TGFBR2: variants seen among roughly 807,000 people sequenced by gnomAD.
TGFBR2 encodes the protein transforming growth factor beta receptor 2, also known as TGF-beta receptor type-2.
TGFBR2 carries 18 observed loss-of-function variants against 49.0 expected under a neutral mutation model. That is an observed-to-expected ratio of 0.37 (90% CI 0.25 to 0.54). The LOEUF is 0.54. TGFBR2 is among the 20% of genes least tolerant of loss of function. TGFBR2 has a pLI of 0.85. For missense variants in TGFBR2, 525 were observed against 722.6 expected (o/e 0.73, Z 3.13); for synonymous variants, 282 against 275.9 (o/e 1.02, Z -0.22).
intron 3 of TGFBR2, among the ~76,000 whole-genome samples, chr3:30,670,291 A>T (rs1017089441): frequency 6.6e-6 from 1 of 152,136 alleles, no homozygotes; most frequent in Non-Finnish European, 1.5e-5. Flanking sequence ...TAATATATAG[A>T]TTACATTGTA....
At position 30,673,159 on chromosome 3, in the gene TGFBR2, C is replaced by T. The variant is rs892349791; in HGVS notation, c.1254+722C>T. On this transcript the variant is annotated intron_variant, in intron 4 of 6. Transcript: ENST00000295754. ...AGCACTCGGTTACTGCTCAGTCAGC[C>T]CTGTGTCCATGGCAGCGCACGCAGT... Among the ~76,000 whole-genome samples, 13 of 152,136 alleles carry T rather than the reference C, an allele frequency of 8.5e-5. 1 individual carries two copies. The highest frequency in any genetic ancestry group is 3.1e-4 in the African/African-American group (13 of 41,428).
chr3:30,647,732 A>AATGCG (rs1575145230), intron 2 of TGFBR2, among the ~76,000 whole-genome samples: 2 of 152,194 alleles, frequency 1.3e-5, no homozygotes, highest in Middle Eastern at 6.8e-3. Flanking sequence ...GCTGGAGTGC[A>AATGCG]ATGGCGTGAT....
intron 5 of TGFBR2, among the ~76,000 whole-genome samples, chr3:30,684,675 A>G (rs189391091): frequency 2.7e-4 from 41 of 152,132 alleles, no homozygotes; most frequent in African/African-American, 8.5e-4. Context: ...GAAATTACCC[A>G]TAAGTCGAAG....
chr3:30,626,274 A>G (rs1325780656), intron 1 of TGFBR2: 1 of 152,226 alleles, frequency 6.6e-6, no homozygotes, highest in East Asian at 1.9e-4. Context: ...CAGCATAACA[A>G]ATATGAGCAA....
intron 1 of TGFBR2, among the ~76,000 whole-genome samples, chr3:30,620,735 T>G (rs1698214278): frequency 6.6e-6 from 1 of 152,284 alleles, no homozygotes; most frequent in South Asian, 2.1e-4. Context: ...GGACAATTTT[T>G]TGTCACTCCT....
At chr3:30,664,015 C>G (rs1038086186) in intron 3 of TGFBR2, among the ~76,000 whole-genome samples, 1 of 151,648 alleles carries the variant, frequency 6.6e-6, no homozygotes, top group Admixed American at 6.6e-5. Context: ...GAGATGTTCT[C>G]GTTCTGTTGC....
At chr3:30,677,584 TTTTG>T (rs1402564811) in intron 5 of TGFBR2, among the ~76,000 whole-genome samples, 1 of 152,234 alleles carries the variant, frequency 6.6e-6, no homozygotes, top group Non-Finnish European at 1.5e-5. Flanking sequence ...CATTAGTGGT[TTTTG>T]TTTGTTTCTT....
At chr3:30,650,641 A>C (rs1698865709) in intron 3 of TGFBR2, among the ~76,000 whole-genome samples, 181 bp downstream of exon 3, 1 of 152,182 alleles carries the variant, frequency 6.6e-6, no homozygotes, top group Admixed American at 6.5e-5. Context: ...GGTTCTCATC[A>C]AATATGGTTG....
chr3:30,636,596 G>A (rs1225015369), intron 1 of TGFBR2, among the ~76,000 whole-genome samples: 2 of 152,264 alleles, frequency 1.3e-5, no homozygotes, highest in East Asian at 3.9e-4. Flanking sequence ...AGAAGGGTAT[G>A]AAATAAAAAG....
At chr3:30,690,863 C>A (rs1399982665) in intron 6 of TGFBR2, among the ~76,000 whole-genome samples, 1 of 152,082 alleles carries the variant, frequency 6.6e-6, no homozygotes, top group Non-Finnish European at 1.5e-5. Context: ...CAAGAGTGAA[C>A]CCTAATGTAA....
rs2125455644 is a variant in TGFBR2 at position 30,691,544 on chromosome 3, G to A, written c.1649G>A (p.Arg550Lys). The change falls in exon 7 of 7, where the codon AGG becomes AAG. Residue 550 changes from arginine to lysine, a missense_variant. Physicochemically the swap from Arg to Lys is conservative, Grantham distance 26. Coordinates refer to ENST00000295754, the MANE Select transcript of TGFBR2 (RefSeq NM_003242.6). ...ELEHLDRLSG[R>K]SCSEEKIPED... ...GAGCATCTGGACAGGCTCTCGGGGA[G>A]GAGCTGCTCGGAGGAGAAGATTCCT... 6.2e-7 allele frequency: 1 copy of A among 1,614,134 alleles called. No individual in the cohort carries two copies.
At position 30,652,002 on chromosome 3, in the gene TGFBR2, C is replaced by T. The variant is rs190180628; in HGVS notation, c.454+1542C>T. On this transcript the variant is annotated intron_variant, in intron 3 of 6. Transcript: ENST00000295754. ...CGAGAAGCTATGTGTCCTCGTGTTTCGTGTTTGGTGCTCAGTAGCACTGCA... is the reference window on the plus strand; with the variant it reads ...CGAGAAGCTATGTGTCCTCGTGTTTTGTGTTTGGTGCTCAGTAGCACTGCA... Among the ~76,000 whole-genome samples, 486 of 152,294 alleles carry T rather than the reference C, an allele frequency of 3.2e-3. 4 individuals are homozygous for T. The highest frequency in any genetic ancestry group is 0.011 in the African/African-American group (459 of 41,554).
chr3:30,625,705 C>T (rs1698320660), intron 1 of TGFBR2, among the ~76,000 whole-genome samples: 1 of 152,156 alleles, frequency 6.6e-6, no homozygotes, highest in African/African-American at 2.4e-5. Flanking sequence ...GCCTCATCTC[C>T]AAATGGTACT....
At chr3:30,670,994 A>G (rs1300196034) in intron 3 of TGFBR2, among the ~76,000 whole-genome samples, 2 of 152,258 alleles carry the variant, frequency 1.3e-5, no homozygotes, top group Non-Finnish European at 2.9e-5. Context: ...GGAGTTTGAA[A>G]AAGAGCAAAG....
At chr3:30,628,127 TTA>T (rs1553625777) in intron 1 of TGFBR2, among the ~76,000 whole-genome samples, 63,055 of 145,098 alleles carry the variant, frequency 0.43, 13,452 homozygotes, top group Middle Eastern at 0.51. Context: ...TTTTTTTTTT[TTA>T]ATCATCTGTG....
chr3:30,633,354 A>G (rs1698471444), intron 1 of TGFBR2, among the ~76,000 whole-genome samples: 1 of 152,374 alleles, frequency 6.6e-6, no homozygotes, highest in East Asian at 1.9e-4. Flanking sequence ...AATTATTAAC[A>G]TCACATAGAT....
At chr3:30,683,971 G>A (rs1429843889) in intron 5 of TGFBR2, among the ~76,000 whole-genome samples, 3 of 152,154 alleles carry the variant, frequency 2.0e-5, no homozygotes, top group South Asian at 4.1e-4. Context: ...CTCTGGCCAC[G>A]ATCTTCCCTT....
chr3:30,682,179 G>A (rs1358305518), intron 5 of TGFBR2, among the ~76,000 whole-genome samples: 1 of 152,212 alleles, frequency 6.6e-6, no homozygotes, highest in African/African-American at 2.4e-5. Flanking sequence ...TGGCGGTGCA[G>A]CTGGCCCTGC....
rs564035868 is a variant in TGFBR2 at position 30,678,269 on chromosome 3, C to T, written c.1396+4023C>T. On this transcript the variant is annotated intron_variant, in intron 5 of 6. Transcript: ENST00000295754. ...GCCTGCTCAAGAGGTATGGTCCTGC[C>T]GGGCGCGGTGGCTCACGCCTGTAAT... Among the ~76,000 whole-genome samples the T allele has an allele frequency of 9.5e-4, 144 of 152,130 alleles. 1 individual carries two copies. Among genetic ancestry groups the T allele is most frequent in the African/African-American group, 3.3e-3 (139 of 41,514 alleles).
Sources: allele counts gnomAD v4.1 joint callset (sites outside exome capture counted in the v4.1 genomes callset), GRCh38; gene constraint gnomAD v4.1.1; transcripts MANE v1.5; gene names NCBI Gene and HGNC (gene_info 2026-07-23, HGNC 2026-07-21).